Variants in PWP1 observed in about 807,000 individuals in gnomAD.
PWP1 encodes the protein PWP1 homolog, endonuclein, also known as periodic tryptophan protein 1 homolog.
A neutral mutation model predicts 69.9 loss-of-function variants in PWP1; 47 were observed. The ratio of observed to expected loss-of-function variants is 0.67; its 90% confidence interval spans 0.53 to 0.86. The LOEUF is 0.86. Ranked by LOEUF, PWP1 falls within the 40% of genes least tolerant of loss-of-function variation. The pLI is 0.00. For missense variants in PWP1, 551 were observed against 608.8 expected (o/e 0.91, Z 1.00); for synonymous variants, 222 against 208.2 (o/e 1.07, Z -0.57).
At chr12:107,698,868 C>T (rs1889646522) in intron 7 of PWP1, among the ~76,000 whole-genome samples, 1 of 152,234 alleles carries the variant, frequency 6.6e-6, no homozygotes, top group Non-Finnish European at 1.5e-5. Context: ...CCTGGGATTA[C>T]AGTGTGGGCC....
chr12:107,687,026 G>A (rs1446098730), intron 1 of PWP1, among the ~76,000 whole-genome samples: 1 of 150,356 alleles, frequency 6.7e-6, no homozygotes, highest in Non-Finnish European at 1.5e-5. Context: ...CCTTTATGGA[G>A]TCGACATGTG....
chr12:107,694,666 A>G (rs1485925293), intron 5 of PWP1, among the ~76,000 whole-genome samples: 1 of 152,232 alleles, frequency 6.6e-6, no homozygotes, highest in East Asian at 1.9e-4. Context: ...TCTAATTTCA[A>G]AAAATTGAGA....
chr12:107,697,554 T>C lies in PWP1; in HGVS notation c.701T>C (p.Leu234Pro), dbSNP rs1889615599. 3 of 1,608,460 alleles carry C rather than the reference T, an allele frequency of 1.9e-6. No individual in the cohort carries two copies. Among genetic ancestry groups the C allele is most frequent in the Non-Finnish European group, 8.5e-7 (1 of 1,178,140 alleles). The change falls in exon 7 of 15, where the codon CTC becomes CCC. Residue 234 changes from leucine to proline, a missense_variant. Physicochemically the swap from Leu to Pro is moderately conservative, Grantham distance 98. Transcript: ENST00000412830. Reference protein sequence around the residue: ...IVDSLEPVFTLGSKLSKKKKK... With the variant: ...IVDSLEPVFTPGSKLSKKKKK... ...GACTCTTTAGAGCCAGTCTTCACAC[T>C]CGGAAGTAAACTTTCAAAAAAGAAG...
intron 11 of PWP1, among the ~76,000 whole-genome samples, chr12:107,707,861 G>GT (rs1283380566): frequency 1.3e-5 from 2 of 151,956 alleles, no homozygotes; most frequent in Non-Finnish European, 2.9e-5. Flanking sequence ...CTAAAATTCT[G>GT]TTTTTTCGTT....
In PWP1 at chr12:107,712,100, T is replaced by G. The variant is rs1219993710; in HGVS notation, c.1397-11T>G. 5 of 1,605,266 alleles carry G rather than the reference T, an allele frequency of 3.1e-6. No homozygotes were observed. The East Asian group carries it at 1.1e-4, about 36-fold the overall frequency. ...ATCTGTTAGTTTCTTACCTGTTTAT[T>G]TGTATTTTAGTAAATGAAGCATTTG... On this transcript the variant is annotated splice_polypyrimidine_tract_variant and intron_variant, in intron 14 of 14. Coordinates refer to ENST00000412830, the MANE Select transcript of PWP1 (RefSeq NM_007062.3).
intron 3 of PWP1, among the ~76,000 whole-genome samples, chr12:107,690,880 G>A (rs996728032): frequency 2.0e-5 from 3 of 152,160 alleles, no homozygotes; most frequent in Non-Finnish European, 2.9e-5. Context: ...AGACATGTAC[G>A]GGTTGATGGT....
chr12:107,692,935 A>G, intron 4 of PWP1, 36 bp downstream of exon 4: 1 of 1,613,204 alleles, frequency 6.2e-7, no homozygotes, highest in Non-Finnish European at 8.5e-7. Flanking sequence ...TTATGCTCTT[A>G]AGTGTTCAAA....
chr12:107,698,285 C>T (rs906470034), intron 7 of PWP1, among the ~76,000 whole-genome samples: 1 of 152,128 alleles, frequency 6.6e-6, no homozygotes, highest in African/African-American at 2.4e-5. Flanking sequence ...TCACTTGAAC[C>T]TGGGAGGCAG....
chr12:107,692,918 T>C lies in PWP1; in HGVS notation c.405+19T>C, dbSNP rs1286279148. On this transcript the variant is annotated intron_variant, in intron 4 of 14. Transcript: ENST00000412830. The stretch of plus-strand genomic sequence containing the variant: ...AGATACAGTAAGTATTTACATCTTT[T>C]TTCTAATTATGCTCTTAAGTGTTCA... The C allele has an allele frequency of 6.2e-7, 1 of 1,613,470 alleles. No homozygotes were observed. Among genetic ancestry groups the C allele is most frequent in the Non-Finnish European group, 8.5e-7 (1 of 1,179,860 alleles).
chr12:107,695,442 C>G (rs1889564188), intron 5 of PWP1, among the ~76,000 whole-genome samples: 1 of 152,170 alleles, frequency 6.6e-6, no homozygotes, highest in Non-Finnish European at 1.5e-5. Context: ...AAGCAGCAAT[C>G]TGAGGAATTA....
At position 107,696,459 on chromosome 12, in the gene PWP1, T is replaced by A; in HGVS notation, c.503-15T>A. 6.2e-7 allele frequency: 1 copy of A among 1,609,074 alleles called. No individual in the cohort carries two copies. The highest frequency in any genetic ancestry group is 8.5e-7 in the Non-Finnish European group (1 of 1,178,720). On this transcript the variant is annotated splice_polypyrimidine_tract_variant and intron_variant, in intron 5 of 14. Transcript: ENST00000412830. The stretch of plus-strand genomic sequence containing the variant: ...CATTCTGATACATTAAAGTCTCTTT[T>A]CCCAATCTTTTCAGTTTATAATCAA...
rs180871646 is a variant in PWP1 at position 107,711,663 on chromosome 12, T to C, written c.1397-448T>C. Among the ~76,000 whole-genome samples, 879 of 152,258 alleles carry C rather than the reference T, an allele frequency of 5.8e-3. 7 individuals carry two copies. The highest frequency in any genetic ancestry group is 8.7e-3 in the Non-Finnish European group (589 of 68,030). The stretch of plus-strand genomic sequence containing the variant: ...TCTACAAACACAGAGATAATATATA[T>C]ATCTCCCCACTGTATGATTCCTGCA... On this transcript the variant is annotated intron_variant, in intron 14 of 14. Coordinates refer to ENST00000412830, the MANE Select transcript of PWP1 (RefSeq NM_007062.3).
At chr12:107,689,917 CAA>C (rs1261931018) in intron 3 of PWP1, among the ~76,000 whole-genome samples, 2 of 152,190 alleles carry the variant, frequency 1.3e-5, no homozygotes, top group African/African-American at 2.4e-5. Flanking sequence ...AAGGAGCTGA[CAA>C]AGCTCGCTTT....
At chr12:107,702,753 G>A (rs867594716) in intron 8 of PWP1, among the ~76,000 whole-genome samples, 182 bp from the exon 9 acceptor site, 3 of 152,132 alleles carry the variant, frequency 2.0e-5, no homozygotes, top group Non-Finnish European at 4.4e-5. Context: ...CACTTATTTA[G>A]ATACTCTTGT....
intron 11 of PWP1, among the ~76,000 whole-genome samples, chr12:107,706,087 A>G (rs1166910998): frequency 6.6e-6 from 1 of 152,196 alleles, no homozygotes; most frequent in Non-Finnish European, 1.5e-5. Flanking sequence ...AATGATCGCC[A>G]TTCTAACTGG....
intron 11 of PWP1, among the ~76,000 whole-genome samples, chr12:107,708,316 G>A (rs1263361960): frequency 2.6e-5 from 4 of 152,144 alleles, no homozygotes; most frequent in Non-Finnish European, 5.9e-5. Context: ...TGCCTCAGCC[G>A]TCCTTTCTTT....
intron 13 of PWP1, among the ~76,000 whole-genome samples, chr12:107,709,977 CTA>C (rs1889912802): frequency 1.3e-5 from 2 of 151,948 alleles, no homozygotes; most frequent in African/African-American, 4.8e-5. Flanking sequence ...TTCATATTTT[CTA>C]TAACAAATAT....
At chr12:107,699,584 T>C (rs564973300) in intron 8 of PWP1, 150 bp downstream of exon 8, 3 of 642,372 alleles carry the variant, frequency 4.7e-6, no homozygotes, top group African/African-American at 3.7e-5. Flanking sequence ...AGGAGCTCTG[T>C]CATCTGTTTC....
intron 8 of PWP1, among the ~76,000 whole-genome samples, chr12:107,701,967 C>T (rs376706240): frequency 5.3e-5 from 8 of 152,018 alleles, no homozygotes; most frequent in East Asian, 3.9e-4. Flanking sequence ...CATGAGCCAC[C>T]GCGCCCAGCC....
Sources: allele counts gnomAD v4.1 joint callset (sites outside exome capture counted in the v4.1 genomes callset), GRCh38; gene constraint gnomAD v4.1.1; transcripts MANE v1.5; gene names NCBI Gene and HGNC (gene_info 2026-07-23, HGNC 2026-07-21).